Variants in ZNF626 observed in about 807,000 individuals in gnomAD.
ZNF626 encodes CTC-513N18.7.
A neutral mutation model predicts 11.7 loss-of-function variants in ZNF626; 4 were observed. The observed-to-expected ratio is 0.34, with a 90% CI of 0.17 to 0.78. The LOEUF is 0.78. ZNF626 is among the 30% of genes least tolerant of loss of function. The pLI is 0.57. For missense variants in ZNF626, 588 were observed against 587.1 expected (o/e 1.00, Z -0.01); for synonymous variants, 179 against 198.6 (o/e 0.90, Z 0.83).
At chr19:20,658,750 C>A (rs1197497270) in intron 1 of ZNF626, among the ~76,000 whole-genome samples, 1 of 152,108 alleles carries the variant, frequency 6.6e-6, no homozygotes. Context: ...AATTCTGACA[C>A]CACCTAGAGA....
chr19:20,633,356 T>G (rs4809082), intron 3 of ZNF626, among the ~76,000 whole-genome samples: 68,123 of 151,850 alleles, frequency 0.45, 16,501 homozygotes, highest in African/African-American at 0.64. Flanking sequence ...CTGCTGTCTT[T>G]TTGTTTGTCT....
At chr19:20,645,359 C>CAAATTATGGAAATTATGG in intron 3 of ZNF626, 1 of 1,578,224 alleles carries the variant, frequency 6.3e-7, no homozygotes, top group Non-Finnish European at 8.5e-7. Flanking sequence ...TTGTGCGTCC[C>CAAATTATGGAAATTATGG]AAAAATTATG....
intron 3 of ZNF626, among the ~76,000 whole-genome samples, chr19:20,628,232 A>G (rs1969862927): frequency 6.6e-6 from 1 of 152,202 alleles, no homozygotes; most frequent in Non-Finnish European, 1.5e-5. Context: ...TAGTGCTGCA[A>G]TAAACATACA....
At chr19:20,644,351 C>T (rs1374823317) in intron 3 of ZNF626, among the ~76,000 whole-genome samples, 2 of 152,116 alleles carry the variant, frequency 1.3e-5, no homozygotes, top group Non-Finnish European at 2.9e-5. Context: ...AGCAAAGTCC[C>T]GAAGGATATG....
chr19:20,644,617 C>T (rs1296016759), intron 3 of ZNF626: 1 of 152,322 alleles, frequency 6.6e-6, no homozygotes, highest in African/African-American at 2.4e-5. Flanking sequence ...ATATTGTGCC[C>T]ATTTTCAATG....
At chr19:20,633,495 C>T (rs534543303) in intron 3 of ZNF626, among the ~76,000 whole-genome samples, 71 of 151,404 alleles carry the variant, frequency 4.7e-4, no homozygotes, top group African/African-American at 9.0e-4. Flanking sequence ...CAATGGTGGG[C>T]GCCCCTCGCC....
At chr19:20,657,989 G>T (rs566321405) in intron 1 of ZNF626, among the ~76,000 whole-genome samples, 1 of 152,058 alleles carries the variant, frequency 6.6e-6, no homozygotes, top group Admixed American at 6.6e-5. Flanking sequence ...AAACATACCT[G>T]TTCGGTGGTA....
intron 1 of ZNF626, among the ~76,000 whole-genome samples, chr19:20,647,670 T>C (rs1555772078): frequency 6.6e-6 from 1 of 151,810 alleles, no homozygotes; most frequent in East Asian, 1.9e-4. Context: ...GTATTTTTAG[T>C]AGAGACAGGG....
At chr19:20,636,260 G>A (rs1969964197) in intron 3 of ZNF626, among the ~76,000 whole-genome samples, 1 of 152,074 alleles carries the variant, frequency 6.6e-6, no homozygotes, top group African/African-American at 2.4e-5. Flanking sequence ...CAATTATATT[G>A]GCAATAGATA....
At chr19:20,628,986 C>A (rs1191003489) in intron 3 of ZNF626, among the ~76,000 whole-genome samples, 2 of 152,156 alleles carry the variant, frequency 1.3e-5, no homozygotes, top group Non-Finnish European at 2.9e-5. Flanking sequence ...GATCCAGTTT[C>A]ACCTTTCTAC....
At chr19:20,640,287 T>A (rs937091965) in intron 3 of ZNF626, among the ~76,000 whole-genome samples, 26 of 148,966 alleles carry the variant, frequency 1.7e-4, no homozygotes, top group Admixed American at 3.3e-4. Context: ...AAAAATAGTT[T>A]AATAAAATAA....
chr19:20,627,611 T>C (rs962436302), intron 3 of ZNF626, among the ~76,000 whole-genome samples: 11 of 151,922 alleles, frequency 7.2e-5, no homozygotes, highest in African/African-American at 1.9e-4. Flanking sequence ...TAAATATATA[T>C]ATAATTATCT....
chr19:20,632,522 C>G (rs183178178), intron 3 of ZNF626, among the ~76,000 whole-genome samples: 1 of 152,162 alleles, frequency 6.6e-6, no homozygotes, highest in Non-Finnish European at 1.5e-5. Flanking sequence ...TCTCTTCTCG[C>G]TTCATTTCAT....
chr19:20,624,656 C>T lies in ZNF626; in HGVS notation c.1221G>A (p.Lys407=), dbSNP rs782424063. ...TATGTGTAGTAAGGTTAGAGGAGTACTTAAAAGCTTTGCCACATTCTTCAC... is the reference window on the plus strand; with the variant it reads ...TATGTGTAGTAAGGTTAGAGGAGTATTTAAAAGCTTTGCCACATTCTTCAC... ...YKCEECGKAF[K]YSSNLTTHKK... The change falls in exon 4 of 4, where the codon AAG becomes AAA. Residue 407 remains lysine (K), a synonymous_variant. Coordinates refer to ENST00000601440, the MANE Select transcript of ZNF626 (RefSeq NM_001076675.3). 11 of 1,592,862 alleles carry T rather than the reference C, an allele frequency of 6.9e-6. No individual in the cohort carries two copies. Among genetic ancestry groups the T allele is most frequent in the Admixed American group, 1.7e-5 (1 of 58,698 alleles).
chr19:20,660,243 TAAAA>T (rs35231346), intron 1 of ZNF626, among the ~76,000 whole-genome samples: 2,589 of 104,858 alleles, frequency 0.025, 74 homozygotes, highest in African/African-American at 0.085. Context: ...ACACTGTGTC[TAAAA>T]AAAAAAAAAA....
intron 3 of ZNF626, among the ~76,000 whole-genome samples, chr19:20,642,988 A>G (rs528801877): frequency 6.7e-6 from 1 of 149,392 alleles, no homozygotes. Context: ...TCCAGTCTGG[A>G]TGAGAGAGGG....
chr19:20,642,834 A>C (rs1310224512), intron 3 of ZNF626, among the ~76,000 whole-genome samples: 3 of 152,016 alleles, frequency 2.0e-5, no homozygotes, highest in African/African-American at 4.8e-5. Flanking sequence ...CAACATGATG[A>C]AACCCCATCT....
Position 20,661,532 on chromosome 19 carries a change from G to GTGA in ZNF626, c.-87_-86insTCA. 8.7e-7 allele frequency: 1 copy of GTGA among 1,154,858 alleles called. No individual in the cohort carries two copies. Among genetic ancestry groups the GTGA allele is most frequent in the Non-Finnish European group, 1.2e-6 (1 of 845,128 alleles). The allele number at this position is 1,154,858 out of a possible 1,614,324, so 71.5% of individuals were successfully genotyped here. On this transcript the variant is annotated 5_prime_UTR_variant, in exon 1 of 4. Coordinates refer to ENST00000601440, the MANE Select transcript of ZNF626 (RefSeq NM_001076675.3). Reference sequence around the variant, plus strand: ...GGGGCCACACAGCCTGGGCCTTTAGGAGAAGAACCAGACCTGGAGCTCTGA... The same window carrying GTGA: ...GGGGCCACACAGCCTGGGCCTTTAGGTGAAGAAGAACCAGACCTGGAGCTCTGA...
chr19:20,640,810 T>A (rs1324265277), intron 3 of ZNF626, among the ~76,000 whole-genome samples: 1 of 152,046 alleles, frequency 6.6e-6, no homozygotes, highest in Non-Finnish European at 1.5e-5. Context: ...GTCATTATTT[T>A]AAAAAGTTAT....
Sources: allele counts gnomAD v4.1 joint callset (sites outside exome capture counted in the v4.1 genomes callset), GRCh38; gene constraint gnomAD v4.1.1; transcripts MANE v1.5; gene names NCBI Gene and HGNC (gene_info 2026-07-23, HGNC 2026-07-21).